Variants in PALM2AKAP2 observed in about 807,000 individuals in gnomAD.
PALM2AKAP2 encodes PALM2 and AKAP2 fusion, also known as PALM2-AKAP2 fusion protein.
A neutral mutation model predicts 71.5 loss-of-function variants in PALM2AKAP2; 37 were observed. The observed-to-expected ratio is 0.52, with a 90% CI of 0.40 to 0.68. The LOEUF (loss-of-function observed/expected upper bound fraction) is 0.68, where lower values mean the gene tolerates loss of function less well. Among genes scored for constraint, PALM2AKAP2 ranks in the 30% least tolerant of loss-of-function variants. The pLI is 0.00. For missense variants in PALM2AKAP2, 1,224 were observed against 1,191.8 expected (o/e 1.03, Z -0.40); for synonymous variants, 468 against 478.8 (o/e 0.98, Z 0.29).
intron 1 of PALM2AKAP2, among the ~76,000 whole-genome samples, chr9:109,726,466 C>A (rs146646038): frequency 6.6e-6 from 1 of 152,358 alleles, no homozygotes; most frequent in Non-Finnish European, 1.5e-5. Flanking sequence ...ATGACTGGGA[C>A]TTCTCTGGCC....
At chr9:109,836,940 A>G (rs961122035) in intron 1 of PALM2AKAP2, among the ~76,000 whole-genome samples, 7 of 152,218 alleles carry the variant, frequency 4.6e-5, no homozygotes, top group South Asian at 2.1e-4. Flanking sequence ...ATGGAACCAA[A>G]TTGGAAAACA....
intron 6 of PALM2AKAP2, among the ~76,000 whole-genome samples, chr9:109,985,157 C>CA (rs1832349396): frequency 6.6e-6 from 1 of 152,032 alleles, no homozygotes; most frequent in African/African-American, 2.4e-5. Context: ...GCCTGGGTGA[C>CA]AGAGCAAGAC....
chr9:110,001,163 T>G (rs527268334), intron 6 of PALM2AKAP2, among the ~76,000 whole-genome samples: 199 of 152,378 alleles, frequency 1.3e-3, no homozygotes, highest in Non-Finnish European at 2.5e-3. Flanking sequence ...CATTTAAGTC[T>G]TTAATCCATC....
chr9:109,916,876 A>G (rs1289664582), intron 3 of PALM2AKAP2, among the ~76,000 whole-genome samples: 2 of 152,214 alleles, frequency 1.3e-5, no homozygotes, highest in Non-Finnish European at 2.9e-5. Flanking sequence ...TGCTCTGCCT[A>G]TAGCATCATA....
At chr9:110,048,660 C>T (rs1202535889), upstream of PALM2AKAP2, 1 of 1,485,436 alleles carries the variant, frequency 6.7e-7, no homozygotes. Flanking sequence ...GGCGGGGCTC[C>T]CCGCCCTCCA....
intron 1 of PALM2AKAP2, among the ~76,000 whole-genome samples, chr9:110,108,858 TA>T (rs774850707): frequency 1.5e-4 from 23 of 152,016 alleles, no homozygotes; most frequent in Non-Finnish European, 2.4e-4. Flanking sequence ...TTTTTTTTGG[TA>T]GGGGGAAGTA....
chr9:109,943,577 C>G, intron 6 of PALM2AKAP2: 1 of 1,120,088 alleles, frequency 8.9e-7, no homozygotes, highest in Admixed American at 2.3e-5. Context: ...ATTTTTTTTC[C>G]TTTTCCTCAC....
chr9:109,879,312 T>TA (rs1418928632), intron 2 of PALM2AKAP2, among the ~76,000 whole-genome samples: 1 of 152,232 alleles, frequency 6.6e-6, no homozygotes, highest in Non-Finnish European at 1.5e-5. Flanking sequence ...GGTGGCTTAA[T>TA]AGTCATTGCT....
intron 1 of PALM2AKAP2, among the ~76,000 whole-genome samples, chr9:109,653,085 C>T (rs577608450): frequency 6.6e-6 from 1 of 152,306 alleles, no homozygotes; most frequent in South Asian, 2.1e-4. Context: ...GTTTGAATAA[C>T]CGACTTAACC....
chr9:109,761,679 C>A (rs909157719), intron 1 of PALM2AKAP2, among the ~76,000 whole-genome samples: 3 of 152,190 alleles, frequency 2.0e-5, no homozygotes, highest in Admixed American at 6.5e-5. Flanking sequence ...CAGTTTCATC[C>A]ATATCCCTGC....
intron 6 of PALM2AKAP2, among the ~76,000 whole-genome samples, chr9:110,001,367 G>A (rs1278936801): frequency 1.3e-5 from 2 of 152,096 alleles, no homozygotes; most frequent in Non-Finnish European, 2.9e-5. Context: ...TGTTCCATTG[G>A]TCTATATCTC....
At chr9:109,726,087 G>A (rs1217298774) in intron 1 of PALM2AKAP2, among the ~76,000 whole-genome samples, 1 of 152,202 alleles carries the variant, frequency 6.6e-6, no homozygotes, top group African/African-American at 2.4e-5. Flanking sequence ...CAAGGCAGGT[G>A]TAACAGACAT....
intron 1 of PALM2AKAP2, among the ~76,000 whole-genome samples, chr9:110,122,880 C>T (rs958168053): frequency 2.0e-4 from 31 of 152,128 alleles, no homozygotes; most frequent in South Asian, 4.1e-4. Flanking sequence ...TGCAGCTAGA[C>T]GTTACCTGCT....
chr9:109,910,270 C>A (rs996151269), intron 3 of PALM2AKAP2, among the ~76,000 whole-genome samples: 1 of 152,108 alleles, frequency 6.6e-6, no homozygotes, highest in Non-Finnish European at 1.5e-5. Flanking sequence ...TAGGGAGGAG[C>A]AGCTCTATGG....
chr9:109,889,868 G>C (rs1451890942), intron 3 of PALM2AKAP2, among the ~76,000 whole-genome samples: 1 of 152,052 alleles, frequency 6.6e-6, no homozygotes, highest in Non-Finnish European at 1.5e-5. Flanking sequence ...GCCATATTTG[G>C]GAAATACATG....
At chr9:109,727,975 C>T (rs1306341180) in intron 1 of PALM2AKAP2, among the ~76,000 whole-genome samples, 4 of 152,198 alleles carry the variant, frequency 2.6e-5, no homozygotes, top group East Asian at 1.9e-4. Flanking sequence ...ACCTCTTGGG[C>T]CTCCGCAAAG....
At chr9:110,032,303 G>A (rs982343039) in intron 7 of PALM2AKAP2, among the ~76,000 whole-genome samples, 1 of 151,904 alleles carries the variant, frequency 6.6e-6, no homozygotes, top group African/African-American at 2.4e-5. Context: ...TTACACCTAT[G>A]ATTGTAGCAC....
chr9:109,779,059 C>T (rs926467930), upstream of PALM2AKAP2, among the ~76,000 whole-genome samples: 25 of 152,190 alleles, frequency 1.6e-4, no homozygotes, highest in African/African-American at 4.8e-4. Flanking sequence ...TGTGAGCCAC[C>T]GCATCTGGCC....
chr9:109,791,541 A>C (rs1039411856), intron 1 of PALM2AKAP2, among the ~76,000 whole-genome samples: 4 of 152,182 alleles, frequency 2.6e-5, no homozygotes, highest in Non-Finnish European at 4.4e-5. Context: ...TTCAGAAAGC[A>C]AGGGAAAGAT....
Sources: allele counts gnomAD v4.1 joint callset (sites outside exome capture counted in the v4.1 genomes callset), GRCh38; gene constraint gnomAD v4.1.1; transcripts MANE v1.5; gene names NCBI Gene and HGNC (gene_info 2026-07-23, HGNC 2026-07-21).